The following JDP2 variants were observed in gnomAD, a reference collection of about 807,000 sequenced individuals.
JDP2 encodes progesterone receptor co-activator.
A neutral mutation model predicts 17.1 loss-of-function variants in JDP2; 9 were observed. The observed-to-expected ratio is 0.53, with a 90% confidence interval of 0.32 to 0.92. JDP2 has a LOEUF of 0.92. Among genes scored for constraint, JDP2 ranks in the 40% least tolerant of loss-of-function variants. JDP2 has a pLI of 0.04. For synonymous variants in JDP2, 107 were observed against 95.6 expected (o/e 1.12, Z -0.69); for missense variants, 179 against 220.0 (o/e 0.81, Z 1.18).
chr14:75,464,102 C>A (rs1162459928), intron 3 of JDP2, among the ~76,000 whole-genome samples: 1 of 152,212 alleles, frequency 6.6e-6, no homozygotes, highest in Admixed American at 6.5e-5. Flanking sequence ...CCCAGTCCTC[C>A]CCTCACCCCT....
chr14:75,444,996 C>T (rs1427054987), intron 2 of JDP2: 3 of 536,276 alleles, frequency 5.6e-6, no homozygotes, highest in African/African-American at 2.1e-5. Flanking sequence ...TTAATGTCAT[C>T]GTTGTATTCC....
intron 1 of JDP2, among the ~76,000 whole-genome samples, chr14:75,435,134 T>C (rs1357048160): frequency 6.6e-6 from 1 of 152,116 alleles, no homozygotes; most frequent in African/African-American, 2.4e-5. Context: ...CTGTTCTCCT[T>C]AGAGGAGGCC....
rs898740856 is a variant in JDP2 at position 75,473,606 on chromosome 14, T to G, written c.*4131T>G. The G allele has an allele frequency of 2.0e-5, 3 of 152,228 alleles. No individual in the cohort carries two copies. Among genetic ancestry groups the G allele is most frequent in the African/African-American group, 7.2e-5 (3 of 41,458 alleles). The allele number at this position is 152,228 out of a possible 1,614,324, so 9.4% of individuals were successfully genotyped here. A position where few individuals can be genotyped will look rare whatever the true frequency, so the allele number is the denominator to read the frequency against. On this transcript the variant is annotated 3_prime_UTR_variant, in exon 4 of 4. Coordinates refer to ENST00000651602, the MANE Select transcript of JDP2 (RefSeq NM_001135048.2). ...CAGCATAAGAACAAATAAATTGTGGTATTTTCCTAAAATTGAATATTACTC... is the reference window on the plus strand; with the variant it reads ...CAGCATAAGAACAAATAAATTGTGGGATTTTCCTAAAATTGAATATTACTC...
rs1884643671 is a variant in JDP2 at position 75,428,540 on chromosome 14, C to T, written c.-24+288C>T. 1 of 152,240 alleles carries T rather than the reference C, an allele frequency of 6.6e-6. No homozygotes were observed. Among genetic ancestry groups the T allele is most frequent in the Non-Finnish European group, 1.5e-5 (1 of 68,072 alleles). 9.4% of individuals were successfully genotyped at this position (152,240 alleles called of 1,614,324 possible). A position where few individuals can be genotyped will look rare whatever the true frequency, so the allele number is the denominator to read the frequency against. On this transcript the variant is annotated intron_variant, in intron 1 of 3. Coordinates refer to ENST00000651602, the MANE Select transcript of JDP2 (RefSeq NM_001135048.2). The surrounding 1 kb of genome is among the most constrained non-coding windows in gnomAD (Gnocchi z 5.6). ...ACAGCCGGGGTGCTCCCTCCTTCTC[C>T]CTCCCGCGCTCTCCTCCCCCGTCCG...
chr14:75,467,483 C>T (rs1407382347), intron 3 of JDP2, among the ~76,000 whole-genome samples: 1 of 152,194 alleles, frequency 6.6e-6, no homozygotes, highest in Non-Finnish European at 1.5e-5. Flanking sequence ...TTCCCCAGGG[C>T]ATTCACTGTA....
In JDP2 at chr14:75,430,136, T is replaced by C. The variant is rs75523764; in HGVS notation, c.-24+1884T>C. Among the ~76,000 whole-genome samples, 2 of 152,310 alleles carry C rather than the reference T, an allele frequency of 1.3e-5. No homozygotes were observed. The highest frequency in any genetic ancestry group is 2.9e-5 in the Non-Finnish European group (2 of 68,020). ...CTGGGTTTGTTGTCATCTCCCTACC[T>C]GTTTGTAGGATGTGTGGGCATTTTT... On this transcript the variant is annotated intron_variant, in intron 1 of 3. Transcript: ENST00000651602. This position sits in a 1 kb window ranked among gnomAD's most constrained non-coding sequence, Gnocchi z 4.5.
At chr14:75,448,633 C>T (rs1255812249) in intron 2 of JDP2, among the ~76,000 whole-genome samples, 1 of 152,220 alleles carries the variant, frequency 6.6e-6, no homozygotes, top group Non-Finnish European at 1.5e-5. Context: ...CGTTTCCAAA[C>T]CAGTTATTTC....
intron 2 of JDP2, among the ~76,000 whole-genome samples, chr14:75,460,300 C>T (rs1376667627): frequency 6.6e-6 from 1 of 152,170 alleles, no homozygotes; most frequent in African/African-American, 2.4e-5. Flanking sequence ...TCCTTCAGCT[C>T]TCCCACAGGT....
intron 2 of JDP2, among the ~76,000 whole-genome samples, chr14:75,453,825 A>T (rs1028213277): frequency 2.0e-5 from 3 of 151,596 alleles, no homozygotes; most frequent in Non-Finnish European, 3.0e-5. Context: ...TGCCCAGGCA[A>T]CAATTCTTAG....
chr14:75,433,654 C>T (rs1164887875), intron 1 of JDP2, among the ~76,000 whole-genome samples: 1 of 150,554 alleles, frequency 6.6e-6, no homozygotes, highest in Non-Finnish European at 1.5e-5. Flanking sequence ...TCAACAACAG[C>T]TTAGGGTCCA....
At chr14:75,457,044 T>C (rs1373874985) in intron 2 of JDP2, among the ~76,000 whole-genome samples, 1 of 152,192 alleles carries the variant, frequency 6.6e-6, no homozygotes, top group Non-Finnish European at 1.5e-5. Context: ...AACACTAAGT[T>C]TGAGAACAGG....
At chr14:75,455,338 G>C (rs951186600) in intron 2 of JDP2, among the ~76,000 whole-genome samples, 4 of 152,158 alleles carry the variant, frequency 2.6e-5, no homozygotes, top group African/African-American at 9.7e-5. Flanking sequence ...TCTCTCAACT[G>C]TTGCTGTCAT....
At chr14:75,462,273 G>A (rs535812052) in intron 3 of JDP2, among the ~76,000 whole-genome samples, 1 of 152,300 alleles carries the variant, frequency 6.6e-6, no homozygotes, top group East Asian at 1.9e-4. Context: ...AATCAGTGCA[G>A]GCCAGGAGTC....
chr14:75,456,629 T>C (rs1413572674), intron 2 of JDP2, among the ~76,000 whole-genome samples: 4 of 152,156 alleles, frequency 2.6e-5, no homozygotes, highest in Non-Finnish European at 5.9e-5. Context: ...GCTGAGTGGT[T>C]GTTTCTCTCT....
rs907293055 is a variant in JDP2 at position 75,428,404 on chromosome 14, A to C, written c.-24+152A>C. 1 of 151,236 alleles carries C rather than the reference A, an allele frequency of 6.6e-6. No homozygotes were observed. The highest frequency in any genetic ancestry group is 1.5e-5 in the Non-Finnish European group (1 of 67,692). 9.4% of individuals were successfully genotyped at this position (151,236 alleles called of 1,614,324 possible). ...AGGCTCCCGCAGCCCAGGGACCTCGAGCTTTCCCCGCGCCGGGCGCTGCAG... is the reference window on the plus strand; with the variant it reads ...AGGCTCCCGCAGCCCAGGGACCTCGCGCTTTCCCCGCGCCGGGCGCTGCAG... On this transcript the variant is annotated intron_variant, in intron 1 of 3. Transcript: ENST00000651602. The surrounding 1 kb of genome is among the most constrained non-coding windows in gnomAD (Gnocchi z 5.6).
intron 3 of JDP2, among the ~76,000 whole-genome samples, chr14:75,468,911 G>A (rs1886685680): frequency 6.6e-6 from 1 of 152,238 alleles, no homozygotes; most frequent in Non-Finnish European, 1.5e-5. Context: ...ACCTGCTCTA[G>A]GTCCACCTGG....
intron 1 of JDP2, among the ~76,000 whole-genome samples, chr14:75,432,803 T>G (rs915025416): frequency 1.3e-5 from 2 of 152,198 alleles, no homozygotes; most frequent in Admixed American, 1.3e-4. Context: ...ACCTTTGCCA[T>G]TCTGGATGAA....
At chr14:75,467,261 C>T (rs1480124086) in intron 3 of JDP2, among the ~76,000 whole-genome samples, 3 of 152,200 alleles carry the variant, frequency 2.0e-5, no homozygotes, top group East Asian at 1.9e-4. Context: ...GTTCTCCACC[C>T]GCAAGTCCCT....
intron 2 of JDP2, among the ~76,000 whole-genome samples, chr14:75,459,595 G>A (rs889167925): frequency 6.6e-6 from 1 of 152,240 alleles, no homozygotes; most frequent in African/African-American, 2.4e-5. Context: ...GCAGAGAGAG[G>A]CTGTTTATTT....
Sources: gnomAD v4.1 joint callset for allele counts (sites outside exome capture counted in the v4.1 genomes callset) on GRCh38, gnomAD v4.1.1 for gene constraint, Gnocchi (gnomAD v3.1) non-coding constraint, MANE v1.5 for transcripts, NCBI Gene and HGNC (gene_info 2026-07-23, HGNC 2026-07-21) for gene names.